The following LARGE1 variants were observed in gnomAD, a reference collection of about 807,000 sequenced individuals.
LARGE1 encodes the protein xylosyl- and glucuronyltransferase LARGE1.
LARGE1 carries 43 observed loss-of-function variants against 87.6 expected under a neutral mutation model. The ratio of observed to expected loss-of-function variants is 0.49; its 90% CI spans 0.38 to 0.63. LARGE1 has a LOEUF of 0.63. LARGE1 is among the 30% of genes least tolerant of loss of function. The probability of loss-of-function intolerance (pLI) is 0.00; values close to 1 mark genes in which losing one functional copy is unlikely to be tolerated. For synonymous variants in LARGE1, 434 were observed against 394.6 expected (o/e 1.10, Z -1.18); for missense variants, 802 against 1,000.2 (o/e 0.80, Z 2.67).
chr22:33,511,376 C>A (rs982488609), intron 6 of LARGE1, among the ~76,000 whole-genome samples: 2 of 152,146 alleles, frequency 1.3e-5, no homozygotes, highest in Non-Finnish European at 2.9e-5. Context: ...GGTGATATTT[C>A]CCTGGCATTT....
intron 1 of LARGE1, among the ~76,000 whole-genome samples, chr22:33,815,911 T>C (rs1254997649): frequency 6.6e-6 from 1 of 152,234 alleles, no homozygotes; most frequent in African/African-American, 2.4e-5. Flanking sequence ...TGCTGAACCA[T>C]TTGCAGATCA....
intron 1 of LARGE1, among the ~76,000 whole-genome samples, chr22:33,800,682 C>T (rs533634068): frequency 3.3e-5 from 5 of 152,264 alleles, no homozygotes; most frequent in Non-Finnish European, 5.9e-5. Context: ...TTGCACTCAA[C>T]GTAATAGCCT....
the LARGE1 span, among the ~76,000 whole-genome samples, chr22:33,079,902 A>G: frequency 5.9e-5 from 9 of 152,120 alleles, no homozygotes; most frequent in African/African-American, 1.7e-4. Flanking sequence ...TTCTCCGACA[A>G]TGGCATCATT....
chr22:33,463,360 CTT>C (rs909625569), intron 6 of LARGE1, among the ~76,000 whole-genome samples: 5 of 151,950 alleles, frequency 3.3e-5, no homozygotes, highest in South Asian at 2.1e-4. Context: ...TAGAAGTACT[CTT>C]TACATCATAA....
the LARGE1 span, among the ~76,000 whole-genome samples, chr22:33,149,596 T>C: frequency 6.6e-6 from 1 of 152,220 alleles, no homozygotes; most frequent in East Asian, 1.9e-4. Flanking sequence ...CAATTTATTT[T>C]TTCAGTTCTG....
intron 2 of LARGE1, among the ~76,000 whole-genome samples, chr22:33,746,218 G>A (rs1340957007): frequency 6.6e-6 from 1 of 152,120 alleles, no homozygotes; most frequent in Non-Finnish European, 1.5e-5. Context: ...CTGCAGCCTG[G>A]GCGACAGAGC....
intron 4 of LARGE1, among the ~76,000 whole-genome samples, chr22:33,606,745 A>C (rs695271): frequency 7.9e-5 from 12 of 151,794 alleles, no homozygotes; most frequent in Admixed American, 7.9e-4. Context: ...AGACATACCC[A>C]CACTGCCCCT....
rs530543467 is a variant in LARGE1 at position 33,620,972 on chromosome 22, C to T, written c.491+5272G>A. On this transcript the variant is annotated intron_variant, in intron 4 of 14. Coordinates refer to ENST00000397394, the MANE Select transcript of LARGE1 (RefSeq NM_133642.5). ...TTATTTCTACCACCCAAACACAAGACGCAAAAGTCCTATTTCTTATGTATT... is the reference window on the plus strand; with the variant it reads ...TTATTTCTACCACCCAAACACAAGATGCAAAAGTCCTATTTCTTATGTATT... Among the ~76,000 whole-genome samples the T allele has an allele frequency of 2.0e-4, 31 of 152,168 alleles. No homozygotes were observed. The South Asian group carries it at 5.8e-3, about 28-fold the overall frequency.
chr22:33,151,009 C>T, the LARGE1 span, among the ~76,000 whole-genome samples: 1,460 of 152,124 alleles, frequency 9.6e-3, 30 homozygotes, highest in African/African-American at 0.034. Context: ...TTTTGAGAGG[C>T]GGTGCATTAA....
chr22:33,901,814 T>C (rs77016292), intron 1 of LARGE1, among the ~76,000 whole-genome samples: 1,731 of 152,344 alleles, frequency 0.011, 18 homozygotes, highest in Admixed American at 0.016. Context: ...CCACATCGTA[T>C]AGCAAATGGC....
intron 2 of LARGE1, among the ~76,000 whole-genome samples, chr22:33,653,617 T>G (rs868023868): frequency 1.3e-5 from 2 of 152,138 alleles, no homozygotes; most frequent in South Asian, 4.2e-4. Flanking sequence ...GATGGGAGGC[T>G]TAAGCAAAAT....
intron 4 of LARGE1, among the ~76,000 whole-genome samples, chr22:33,617,841 T>A (rs1393071944): frequency 6.6e-6 from 1 of 152,198 alleles, no homozygotes; most frequent in Admixed American, 6.5e-5. Flanking sequence ...CTCCCTCTGG[T>A]TTCCTTAACT....
chr22:33,719,321 C>CA (rs1432572671), intron 2 of LARGE1, among the ~76,000 whole-genome samples: 1 of 152,026 alleles, frequency 6.6e-6, no homozygotes, highest in African/African-American at 2.4e-5. Flanking sequence ...AACAGTTTTA[C>CA]AAATTTAGTG....
intron 3 of LARGE1, among the ~76,000 whole-genome samples, chr22:33,640,605 G>A (rs2080398908): frequency 6.6e-6 from 1 of 152,072 alleles, no homozygotes; most frequent in Non-Finnish European, 1.5e-5. Flanking sequence ...CCCCTGGAAA[G>A]GGGGCTGAAG....
chr22:33,415,386 G>A (rs1168769267), intron 7 of LARGE1, among the ~76,000 whole-genome samples: 1 of 152,164 alleles, frequency 6.6e-6, no homozygotes, highest in African/African-American at 2.4e-5. Context: ...GAGAAGCTGG[G>A]GAAACAGATT....
intron 1 of LARGE1, among the ~76,000 whole-genome samples, chr22:33,845,270 T>C (rs1035727478): frequency 2.0e-5 from 3 of 152,148 alleles, no homozygotes; most frequent in Non-Finnish European, 4.4e-5. Flanking sequence ...GTTGAAAAAT[T>C]CCAGGATGGG....
At chr22:33,396,787 GACA>G (rs2065761351) in intron 7 of LARGE1, among the ~76,000 whole-genome samples, 1 of 152,146 alleles carries the variant, frequency 6.6e-6, no homozygotes, top group South Asian at 2.1e-4. Flanking sequence ...GGTTCTTTTA[GACA>G]ACAACACTTC....
chr22:33,631,848 A>G (rs973383230), intron 3 of LARGE1, among the ~76,000 whole-genome samples: 1 of 152,242 alleles, frequency 6.6e-6, no homozygotes, highest in Admixed American at 6.5e-5. Flanking sequence ...CAACATCACC[A>G]AACACATGAG....
Position 33,273,793 on chromosome 22 carries a change from T to G in LARGE1, c.*634A>C, listed in dbSNP as rs772739054. 2.8e-5 allele frequency: 11 copies of G among 397,808 alleles called. No homozygotes were observed. The highest frequency in any genetic ancestry group is 2.8e-4 in the South Asian group (2 of 7,036). The allele number at this position is 397,808 out of a possible 1,614,324, so 24.6% of individuals were successfully genotyped here. On this transcript the variant is annotated 3_prime_UTR_variant, in exon 15 of 15. Coordinates refer to ENST00000397394, the MANE Select transcript of LARGE1 (RefSeq NM_133642.5). ...TATTTTGGATTGCCAGCCCCAAAAA[T>G]AAACAAAACCCCCAAAGAAAAACAA...
Sources: gnomAD v4.1 joint callset for allele counts (sites outside exome capture counted in the v4.1 genomes callset) on GRCh38, gnomAD v4.1.1 for gene constraint, MANE v1.5 for transcripts, NCBI Gene and HGNC (gene_info 2026-07-23, HGNC 2026-07-21) for gene names.